Variants in FBXW11 observed in about 807,000 individuals in gnomAD.
FBXW11 encodes the protein F-box and WD repeat domain containing 11, also known as F-box/WD repeat-containing protein 11.
In FBXW11, 19 loss-of-function variants were observed where a neutral mutation model predicts 77.6. The observed-to-expected ratio is 0.24, with a 90% CI of 0.17 to 0.36. The LOEUF (loss-of-function observed/expected upper bound fraction) is 0.36, where lower values mean the gene tolerates loss of function less well. Ranked by LOEUF, FBXW11 falls within the 10% of genes least tolerant of loss-of-function variation. The pLI is 1.00. For synonymous variants in FBXW11, 235 were observed against 249.4 expected (o/e 0.94, Z 0.54); for missense variants, 334 against 704.2 (o/e 0.47, Z 5.95).
chr5:171,913,045 G>C (rs566655361), intron 3 of FBXW11, among the ~76,000 whole-genome samples: 2 of 152,136 alleles, frequency 1.3e-5, no homozygotes, highest in East Asian at 3.9e-4. Context: ...CACCATGACA[G>C]AGTAAAGGAT....
At chr5:171,980,424 A>T (rs1311077236) in intron 1 of FBXW11, among the ~76,000 whole-genome samples, 2 of 152,248 alleles carry the variant, frequency 1.3e-5, no homozygotes, top group Non-Finnish European at 2.9e-5. Context: ...CATGATTAAG[A>T]CAGTGGAAAG....
intron 2 of FBXW11, among the ~76,000 whole-genome samples, chr5:171,931,266 A>G (rs1018062882): frequency 6.6e-6 from 1 of 152,276 alleles, no homozygotes; most frequent in Non-Finnish European, 1.5e-5. Flanking sequence ...TCAAGGAATG[A>G]TACTGTCTGA....
chr5:171,971,817 T>C (rs867345625), intron 1 of FBXW11, among the ~76,000 whole-genome samples: 1 of 152,072 alleles, frequency 6.6e-6, no homozygotes, highest in Non-Finnish European at 1.5e-5. Context: ...ACCTTATCTC[T>C]ACAAAAGATA....
intron 2 of FBXW11, 118 bp from the exon 3 acceptor site, chr5:171,914,523 T>C (rs1018947943): frequency 6.2e-6 from 5 of 812,172 alleles, no homozygotes; most frequent in African/African-American, 1.8e-5. Context: ...CAAGAACTAT[T>C]TGGCTTTGTG....
At chr5:171,899,814 T>C (rs562461295) in intron 5 of FBXW11, 100 bp downstream of exon 5, 26 of 1,080,268 alleles carry the variant, frequency 2.4e-5, no homozygotes, top group African/African-American at 7.9e-5. Context: ...TTTTTAAAAA[T>C]AGGCCAGCAC....
chr5:171,977,170 C>T (rs1180934021), intron 1 of FBXW11, among the ~76,000 whole-genome samples: 2 of 151,746 alleles, frequency 1.3e-5, no homozygotes. Context: ...GGAGACCCCA[C>T]CTTCACAGAA....
At chr5:171,967,054 C>T (rs1331495848) in intron 1 of FBXW11, among the ~76,000 whole-genome samples, 3 of 152,174 alleles carry the variant, frequency 2.0e-5, no homozygotes, top group African/African-American at 4.8e-5. Context: ...ACTTCCTTTA[C>T]CTGACATTAA....
At chr5:171,879,582 C>T (rs1179276117) in intron 7 of FBXW11, among the ~76,000 whole-genome samples, 1 of 152,244 alleles carries the variant, frequency 6.6e-6, no homozygotes, top group Admixed American at 6.5e-5. Context: ...AGTTCCTGTT[C>T]CTATTGCTCC....
chr5:171,866,439 T>C (rs1757396432), intron 13 of FBXW11, among the ~76,000 whole-genome samples: 1 of 152,144 alleles, frequency 6.6e-6, no homozygotes, highest in Non-Finnish European at 1.5e-5. Flanking sequence ...TGACTTATAA[T>C]TGATCACAAC....
chr5:171,896,303 G>A (rs1759741033), intron 6 of FBXW11, among the ~76,000 whole-genome samples: 1 of 152,170 alleles, frequency 6.6e-6, no homozygotes, highest in Non-Finnish European at 1.5e-5. Flanking sequence ...AGACTCTGAA[G>A]CTATGTACAG....
intron 2 of FBXW11, among the ~76,000 whole-genome samples, chr5:171,937,423 T>C (rs1762533607): frequency 6.6e-6 from 1 of 152,162 alleles, no homozygotes; most frequent in Non-Finnish European, 1.5e-5. Flanking sequence ...ATTTTGAGCT[T>C]TGCAGGACTC....
chr5:171,870,181 C>G (rs756659869), intron 11 of FBXW11, among the ~76,000 whole-genome samples: 1 of 152,100 alleles, frequency 6.6e-6, no homozygotes, highest in African/African-American at 2.4e-5. Flanking sequence ...CCAAGGATAC[C>G]TTTCTCCAAA....
chr5:171,994,048 G>C (rs774556349), intron 1 of FBXW11, among the ~76,000 whole-genome samples: 9 of 152,316 alleles, frequency 5.9e-5, no homozygotes, highest in Non-Finnish European at 1.2e-4. Flanking sequence ...GGCTAATGCA[G>C]AACCTGAGAG....
At chr5:171,974,268 C>G (rs868004449) in intron 1 of FBXW11, among the ~76,000 whole-genome samples, 1 of 152,104 alleles carries the variant, frequency 6.6e-6, no homozygotes, top group Middle Eastern at 3.4e-3. Context: ...AACCCCATCT[C>G]TACTAAAAAC....
chr5:171,968,450 CTG>C (rs1764346812), intron 1 of FBXW11, among the ~76,000 whole-genome samples: 1 of 97,674 alleles, frequency 1.0e-5, no homozygotes, highest in Non-Finnish European at 2.3e-5. Flanking sequence ...GAGCCAGACT[CTG>C]TCTCAAAAAA....
chr5:171,873,236 A>G (rs1757865090), intron 9 of FBXW11, among the ~76,000 whole-genome samples: 1 of 152,228 alleles, frequency 6.6e-6, no homozygotes. Flanking sequence ...TGAGATCTTT[A>G]CAAAGAGAAC....
At chr5:171,913,852 C>T (rs934799139) in intron 3 of FBXW11, among the ~76,000 whole-genome samples, 5 of 151,378 alleles carry the variant, frequency 3.3e-5, no homozygotes, top group South Asian at 2.1e-4. Flanking sequence ...CACACACACA[C>T]ACACACACAC....
intron 6 of FBXW11, among the ~76,000 whole-genome samples, chr5:171,895,748 T>A (rs1759699595): frequency 6.6e-6 from 1 of 152,210 alleles, no homozygotes; most frequent in African/African-American, 2.4e-5. Context: ...GCTTTGACAA[T>A]TCGAGGATTA....
At chr5:171,973,907 AATT>A (rs1421774294) in intron 1 of FBXW11, among the ~76,000 whole-genome samples, 11 of 152,216 alleles carry the variant, frequency 7.2e-5, no homozygotes, top group African/African-American at 1.4e-4. Flanking sequence ...GATATTTAAA[AATT>A]ATTAGTTTTT....
Sources: allele counts gnomAD v4.1 joint callset (sites outside exome capture counted in the v4.1 genomes callset), GRCh38; gene constraint gnomAD v4.1.1; transcripts MANE v1.5; gene names NCBI Gene and HGNC (gene_info 2026-07-23, HGNC 2026-07-21).